The following RGPD3 variants were observed in gnomAD, a reference collection of about 807,000 sequenced individuals.
RGPD3 encodes the protein ranBP2-like and GRIP domain-containing protein 3.
RGPD3 carries 62 observed loss-of-function variants against 154.5 expected under a neutral mutation model. The ratio of observed to expected loss-of-function variants is 0.40; its 90% CI spans 0.33 to 0.50. The LOEUF is 0.50. Among genes scored for constraint, RGPD3 ranks in the 20% least tolerant of loss-of-function variants. RGPD3 has a pLI of 0.59. For missense variants in RGPD3, 919 were observed against 1,716.8 expected (o/e 0.54, Z 8.21); for synonymous variants, 308 against 607.0 (o/e 0.51, Z 7.24).
chr2:106,468,407 C>G lies in RGPD3; in HGVS notation c.-119G>C. ...AGGCAGCGGCGTAGCCGGCGGAGGA[C>G]CACTGTGACGAACTTGTGTCCTGCG... On this transcript the variant is annotated 5_prime_UTR_variant, in exon 1 of 23. Coordinates refer to ENST00000409886, the MANE Select transcript of RGPD3 (RefSeq NM_001144013.2). The G allele has an allele frequency of 6.5e-7, 1 of 1,526,794 alleles. No homozygotes were observed. The highest frequency in any genetic ancestry group is 8.8e-7 in the Non-Finnish European group (1 of 1,133,656). The allele number at this position is 1,526,794 out of a possible 1,614,324, so 94.6% of individuals were successfully genotyped here. A position where few individuals can be genotyped will look rare whatever the true frequency, so the allele number is the denominator to read the frequency against.
At chr2:106,469,550 C>T (rs1461128786), upstream of RGPD3, among the ~76,000 whole-genome samples, 1 of 152,186 alleles carries the variant, frequency 6.6e-6, no homozygotes, top group Non-Finnish European at 1.5e-5. Context: ...CCCTTTGAAC[C>T]GTCCCTAAAC....
rs576228358 is a variant in RGPD3, at chr2:106,451,736, G to T, written c.782+469C>A. Reference sequence around the variant, plus strand: ...TCAAAATCAAAATTTAGGAAAAAAGGTAAATCACATAGTTCAGTTATTTTG... The same window carrying T: ...TCAAAATCAAAATTTAGGAAAAAAGTTAAATCACATAGTTCAGTTATTTTG... On this transcript the variant is annotated intron_variant, in intron 6 of 22. Transcript: ENST00000409886. 1.3e-4 allele frequency among the ~76,000 whole-genome samples: 20 copies of T among 151,864 alleles called. 1 individual carries two copies. The East Asian group carries it at 3.7e-3, about 28-fold the overall frequency.
Position 106,424,522 on chromosome 2 carries a change from CT to C in RGPD3, c.3444del (p.Ala1149GlnfsTer24). The C allele has an allele frequency of 1.9e-6, 3 of 1,606,406 alleles. No homozygotes were observed. The highest frequency in any genetic ancestry group is 2.2e-5 in the South Asian group (2 of 90,736). On this transcript the variant is annotated frameshift_variant, in exon 20 of 23. Coordinates refer to ENST00000409886, the MANE Select transcript of RGPD3 (RefSeq NM_001144013.2). LOFTEE classifies it high-confidence loss of function. Reference protein sequence around the residue: ...SDGDAKLERLAAKFKTPELAE... With the variant: ...SDGDAKLERLXAKFKTPELAE... Reference sequence around the variant, plus strand: ...GCCAGCTCTGGTGTTTTAAATTTTGCTGCCAATCGCTCTAGTTTGGCATCAC... The same window carrying C: ...GCCAGCTCTGGTGTTTTAAATTTTGCGCCAATCGCTCTAGTTTGGCATCAC...
intron 20 of RGPD3, among the ~76,000 whole-genome samples, chr2:106,420,354 A>G (rs1349447723): frequency 1.3e-5 from 2 of 151,878 alleles, no homozygotes; most frequent in Non-Finnish European, 2.9e-5. Flanking sequence ...TTAGAAACAG[A>G]AAAAACTTCT....
intron 20 of RGPD3, among the ~76,000 whole-genome samples, chr2:106,420,647 A>C (rs1427501187): frequency 2.0e-5 from 3 of 152,296 alleles, no homozygotes; most frequent in Admixed American, 2.0e-4. Context: ...TTTTATATTA[A>C]TTAGAAGTTA....
chr2:106,450,970 T>C lies in RGPD3; in HGVS notation c.782+1235A>G, dbSNP rs537538534. 1.8e-4 allele frequency among the ~76,000 whole-genome samples: 26 copies of C among 148,284 alleles called. No homozygotes were observed. In the South Asian group the frequency reaches 5.0e-3, roughly 28 times the overall value. ...TGGGCGTAGTGGTGTGCGCCTGTGG[T>C]CCCAGCTACTCGGGAGGCTGAGGCA... is the stretch of plus-strand genomic sequence containing the variant. On this transcript the variant is annotated intron_variant, in intron 6 of 22. Transcript: ENST00000409886.
chr2:106,410,124 C>T (rs1468979546), intron 22 of RGPD3, among the ~76,000 whole-genome samples: 1 of 151,862 alleles, frequency 6.6e-6, no homozygotes, highest in East Asian at 1.9e-4. Context: ...GATCTACCCT[C>T]CTCAGCCTCC....
At chr2:106,435,449 A>G in intron 12 of RGPD3, among the ~76,000 whole-genome samples, 1 of 146,998 alleles carries the variant, frequency 6.8e-6, no homozygotes, top group African/African-American at 2.5e-5. Flanking sequence ...CTGGGATTAC[A>G]GGCACCTGCC....
rs777331629 is a variant in RGPD3 at position 106,423,952 on chromosome 2, C to A, written c.4015G>T (p.Val1339Phe). 2.7e-5 allele frequency: 43 copies of A among 1,611,686 alleles called. No individual in the cohort carries two copies. Among genetic ancestry groups the A allele is most frequent in the Non-Finnish European group, 3.5e-5 (41 of 1,179,840 alleles). ...ERDGQYFEPV[V>F]PLPDLVEVSS... ...ACTTCAACTAGATCAGGTAAAGGAA[C>A]AACAGGTTCAAAGTACTGTCCATCT... Residue 1339 changes from valine (V) to phenylalanine (F), a missense_variant, in exon 20 of 23, where the codon GTT (valine) becomes TTT (phenylalanine). By Grantham distance (50) the Val-to-Phe change is conservative. Coordinates refer to ENST00000409886, the MANE Select transcript of RGPD3 (RefSeq NM_001144013.2).
intron 12 of RGPD3, 88 bp downstream of exon 12, chr2:106,436,035 T>C: frequency 6.8e-7 from 1 of 1,475,414 alleles, no homozygotes. Context: ...GCTGCTGTTT[T>C]CAGAACAAAA....
At chr2:106,434,009 T>C (rs1265137985) in intron 15 of RGPD3, among the ~76,000 whole-genome samples, 2 of 118,410 alleles carry the variant, frequency 1.7e-5, no homozygotes, top group African/African-American at 3.2e-5. Flanking sequence ...CAAGAAGTAC[T>C]TTTTAAGAGC....
chr2:106,440,346 T>A (rs972307587), intron 8 of RGPD3, among the ~76,000 whole-genome samples: 7 of 149,160 alleles, frequency 4.7e-5, no homozygotes, highest in Non-Finnish European at 8.9e-5. Flanking sequence ...GGCAATTAGG[T>A]TTGGTTACCA....
At chr2:106,408,719 C>T (rs1573235875) in intron 22 of RGPD3, among the ~76,000 whole-genome samples, 1 of 151,860 alleles carries the variant, frequency 6.6e-6, no homozygotes, top group Non-Finnish European at 1.5e-5. Flanking sequence ...GTTGCCCAGG[C>T]TGAAATGCAG....
intron 7 of RGPD3, among the ~76,000 whole-genome samples, chr2:106,446,752 C>G (rs1175656446): frequency 1.4e-5 from 2 of 139,056 alleles, no homozygotes; most frequent in Non-Finnish European, 3.1e-5. Flanking sequence ...CTTGGTAGCA[C>G]GGGCCTGTAG....
At chr2:106,468,676 G>A (rs1361189090), upstream of RGPD3, among the ~76,000 whole-genome samples, 1 of 152,034 alleles carries the variant, frequency 6.6e-6, no homozygotes, top group Admixed American at 6.6e-5. Context: ...TGTGGTGGCA[G>A]GTGCCTGTAG....
intron 9 of RGPD3, among the ~76,000 whole-genome samples, chr2:106,437,530 GA>G (rs1000067887): frequency 6.6e-6 from 1 of 152,118 alleles, no homozygotes; most frequent in Non-Finnish European, 1.5e-5. Context: ...GAAAAGAAAA[GA>G]AAAGAAAAGG....
At chr2:106,468,114 C>A in intron 1 of RGPD3, 103 bp downstream of exon 1, 1 of 1,423,798 alleles carries the variant, frequency 7.0e-7, no homozygotes. Context: ...GAGCAGCGCT[C>A]GTCGGGAGCC....
In RGPD3 at chr2:106,432,342, A is replaced by T. The variant is rs1483548281; in HGVS notation, c.2469+593T>A. On this transcript the variant is annotated intron_variant, in intron 17 of 22. Transcript: ENST00000409886. The stretch of plus-strand genomic sequence containing the variant: ...GTGGCGGGTGCCTGTAATCCCAGCT[A>T]CTCGGGAGGCTGAGGCAGGAGAGTC... Among the ~76,000 whole-genome samples, 12 of 148,112 alleles carry T rather than the reference A, an allele frequency of 8.1e-5. 1 individual carries two copies. Among genetic ancestry groups the T allele is most frequent in the Admixed American group, 4.9e-4 (7 of 14,418 alleles).
At chr2:106,468,430 G>C, upstream of RGPD3, 1 of 1,484,090 alleles carries the variant, frequency 6.7e-7, no homozygotes, top group Non-Finnish European at 9.1e-7. Flanking sequence ...CTTGTGTCCT[G>C]CGTCAACAGT....
Sources: gnomAD v4.1 joint callset for allele counts (sites outside exome capture counted in the v4.1 genomes callset) on GRCh38, gnomAD v4.1.1 for gene constraint, MANE v1.5 for transcripts, NCBI Gene and HGNC (gene_info 2026-07-23, HGNC 2026-07-21) for gene names.